Variants in GAB2 observed in about 807,000 individuals in gnomAD.
The protein encoded by GAB2 is GRB2-associated-binding protein 2.
A neutral mutation model predicts 65.5 loss-of-function variants in GAB2; 26 were observed. The ratio of observed to expected loss-of-function variants is 0.40; its 90% CI spans 0.29 to 0.55. The LOEUF (loss-of-function observed/expected upper bound fraction) is 0.55. GAB2 is among the 20% of genes least tolerant of loss of function. The pLI, the probability that GAB2 is intolerant of heterozygous loss-of-function variation, is 0.53. For missense variants in GAB2, 884 were observed against 875.8 expected (o/e 1.01, Z -0.12); for synonymous variants, 321 against 329.6 (o/e 0.97, Z 0.28).
intron 1 of GAB2, among the ~76,000 whole-genome samples, chr11:78,311,821 C>T (rs1344155073): frequency 6.6e-6 from 1 of 152,136 alleles, no homozygotes; most frequent in African/African-American, 2.4e-5. Flanking sequence ...AGGTATGAGG[C>T]TGTGGGCAAG....
At chr11:78,380,213 CT>C (rs11428219) in intron 1 of GAB2, among the ~76,000 whole-genome samples, 3 of 148,756 alleles carry the variant, frequency 2.0e-5, no homozygotes, top group Non-Finnish European at 4.5e-5. Context: ...TGAATGAGAA[CT>C]TTTTTTTTTT....
intron 3 of GAB2, among the ~76,000 whole-genome samples, chr11:78,243,800 C>T (rs1361509187): frequency 4.6e-5 from 7 of 152,108 alleles, no homozygotes; most frequent in South Asian, 4.1e-4. Flanking sequence ...GCTGAGATCG[C>T]GCCACTGCAC....
chr11:78,335,938 G>T (rs1335063893), intron 1 of GAB2, among the ~76,000 whole-genome samples: 1 of 151,904 alleles, frequency 6.6e-6, no homozygotes, highest in Non-Finnish European at 1.5e-5. Context: ...TCATTACAGA[G>T]ATCTTTCACT....
intron 2 of GAB2, among the ~76,000 whole-genome samples, chr11:78,278,579 T>C (rs1374333342): frequency 1.2e-5 from 1 of 83,748 alleles, no homozygotes; most frequent in Admixed American, 1.3e-4. Context: ...GTTTTCACCA[T>C]TATTGGTCAG....
intron 1 of GAB2, among the ~76,000 whole-genome samples, chr11:78,393,632 T>G (rs569745139): frequency 2.0e-5 from 3 of 152,334 alleles, no homozygotes; most frequent in South Asian, 4.1e-4. Context: ...TTGCAGAAAT[T>G]CATCCTAAGG....
At chr11:78,303,531 T>C (rs2134630380) in intron 1 of GAB2, among the ~76,000 whole-genome samples, 1 of 152,320 alleles carries the variant, frequency 6.6e-6, no homozygotes, top group Non-Finnish European at 1.5e-5. Context: ...TCATTTTTCA[T>C]ATATGTCAGT....
At chr11:78,320,027 C>T (rs1855692545) in intron 1 of GAB2, among the ~76,000 whole-genome samples, 1 of 152,006 alleles carries the variant, frequency 6.6e-6, no homozygotes, top group African/African-American at 2.4e-5. Context: ...AGGTACACAC[C>T]ACCACACTGG....
chr11:78,330,215 T>C (rs982113000), intron 1 of GAB2, among the ~76,000 whole-genome samples: 2 of 152,166 alleles, frequency 1.3e-5, no homozygotes, highest in African/African-American at 2.4e-5. Flanking sequence ...AACTAGAACA[T>C]GCAGCTCTAG....
chr11:78,363,749 C>A (rs1246102594), intron 1 of GAB2, among the ~76,000 whole-genome samples: 2 of 151,982 alleles, frequency 1.3e-5, no homozygotes, highest in Non-Finnish European at 2.9e-5. Flanking sequence ...TATGACCCTG[C>A]TAATTTTTGT....
At chr11:78,224,996 T>C in intron 5 of GAB2, 112 bp downstream of exon 5, 1 of 688,616 alleles carries the variant, frequency 1.5e-6, no homozygotes, top group Non-Finnish European at 2.6e-6. Flanking sequence ...TTGGGCAGGG[T>C]CCTAAGATGG....
At chr11:78,295,546 C>G (rs1275223155) in intron 1 of GAB2, among the ~76,000 whole-genome samples, 2 of 152,176 alleles carry the variant, frequency 1.3e-5, no homozygotes, top group Admixed American at 1.3e-4. Flanking sequence ...CCTTCAGGAT[C>G]TCATGACTTA....
Position 78,394,876 on chromosome 11 carries a change from A to T in GAB2, c.75+22770T>A, listed in dbSNP as rs111862407. Among the ~76,000 whole-genome samples the T allele has an allele frequency of 3.0e-3, 461 of 152,342 alleles. 1 individual carries two copies. The highest frequency in any genetic ancestry group is 0.01 in the African/African-American group (428 of 41,574). ...AGTTTCTTCTCCAGGTCTGGAGATC[A>T]TGCGGTGAGGAAGCCCACCCTCCAA... On this transcript the variant is annotated intron_variant, in intron 1 of 9. Transcript: ENST00000361507.
rs201503823 is a variant in GAB2 at position 78,358,439 on chromosome 11, TATAATAATA to T, written c.75+59198_75+59206del. On this transcript the variant is annotated intron_variant, in intron 1 of 9. Coordinates refer to ENST00000361507, the MANE Select transcript of GAB2 (RefSeq NM_080491.3). ...TGCACATGTACCCTAGAACTTAAAATATAATAATAATAATAATAATAATAATAATAATAA... is the reference window on the plus strand; with the variant it reads ...TGCACATGTACCCTAGAACTTAAAATATAATAATAATAATAATAATAATAA... 2.9e-3 allele frequency among the ~76,000 whole-genome samples: 339 copies of T among 117,308 alleles called. 1 individual carries two copies. Among genetic ancestry groups the T allele is most frequent in the African/African-American group, 8.8e-3 (267 of 30,244 alleles). 77.0% of individuals were successfully genotyped at this position (117,308 alleles called of 152,430 possible).
rs1237151889 is a variant in GAB2, at chr11:78,220,315, G to A, written c.1887+4C>T. 6.2e-7 allele frequency: 1 copy of A among 1,612,150 alleles called. No individual in the cohort carries two copies. The highest frequency in any genetic ancestry group is 8.5e-7 in the Non-Finnish European group (1 of 1,179,738). On this transcript the variant is annotated splice_donor_region_variant and intron_variant, in intron 9 of 9. Coordinates refer to ENST00000361507, the MANE Select transcript of GAB2 (RefSeq NM_080491.3). ...TACTGCCCCCCCAACTCTACTCCAG[G>A]CACCTTGCGGTGGGGGCTTGGGGAG...
chr11:78,215,340 C>T lies in GAB2; in HGVS notation c.*3932G>A, dbSNP rs1318869068. On this transcript the variant is annotated 3_prime_UTR_variant, in exon 10 of 10. Transcript: ENST00000361507. ...ACTTTATTGTCCTGCTCCAACACCA[C>T]AGTAGAAAGGGACCTGCAAGCTCCA... is the stretch of plus-strand genomic sequence containing the variant. 1 of 152,594 alleles carries T rather than the reference C, an allele frequency of 6.6e-6. No homozygotes were observed. Among genetic ancestry groups the T allele is most frequent in the African/African-American group, 2.4e-5 (1 of 41,428 alleles). The allele number at this position is 152,594 out of a possible 1,614,324, so 9.5% of individuals were successfully genotyped here.
chr11:78,342,847 G>A (rs1856121746), intron 1 of GAB2, among the ~76,000 whole-genome samples: 1 of 152,078 alleles, frequency 6.6e-6, no homozygotes, highest in Non-Finnish European at 1.5e-5. Flanking sequence ...ACAAGTAGGA[G>A]GCTCTTAAGC....
At chr11:78,338,142 G>A (rs1008883975) in intron 1 of GAB2, among the ~76,000 whole-genome samples, 2 of 152,184 alleles carry the variant, frequency 1.3e-5, no homozygotes, top group African/African-American at 4.8e-5. Flanking sequence ...ACCATCATAA[G>A]AGCATTGAAT....
intron 1 of GAB2, among the ~76,000 whole-genome samples, chr11:78,358,828 T>A (rs913983839): frequency 1.1e-4 from 16 of 152,092 alleles, no homozygotes; most frequent in African/African-American, 3.1e-4. Context: ...CATGTTGGAA[T>A]TAGAGACAGA....
chr11:78,395,250 T>C (rs144796573), intron 1 of GAB2, among the ~76,000 whole-genome samples: 1,567 of 152,314 alleles, frequency 0.01, 27 homozygotes, highest in African/African-American at 0.036. Context: ...GGTCAGAAGT[T>C]CGAGACCATC....
Sources: gnomAD v4.1 joint callset for allele counts (sites outside exome capture counted in the v4.1 genomes callset) on GRCh38, gnomAD v4.1.1 for gene constraint, MANE v1.5 for transcripts, NCBI Gene and HGNC (gene_info 2026-07-23, HGNC 2026-07-21) for gene names.